Variants in GPC5 observed in about 807,000 individuals in gnomAD.
The protein encoded by GPC5 is glypican-5.
In GPC5, 47 loss-of-function variants were observed where a neutral mutation model predicts 53.9. That is an observed-to-expected ratio of 0.87 (90% CI 0.69 to 1.11). The LOEUF (loss-of-function observed/expected upper bound fraction) is 1.11, where lower values mean the gene tolerates loss of function less well. Among genes scored for constraint, GPC5 ranks in the 50% most tolerant of loss-of-function variants. The pLI is 0.00. For synonymous variants in GPC5, 286 were observed against 263.3 expected, an observed-to-expected ratio of 1.09 and a Z score of -0.84; for missense variants, 748 against 713.1, an observed-to-expected ratio of 1.05 and a Z score of -0.56.
rs536929736 is a variant in GPC5 at position 92,589,963 on chromosome 13, A to G, written c.1562-276319A>G. ...TGTGGCCAAGGTTAAAAGGTTGATG[A>G]GTGCCACCCAGGGAAGAGATGAGTG... On this transcript the variant is annotated intron_variant, in intron 7 of 7. Transcript: ENST00000377067. 4.6e-5 allele frequency among the ~76,000 whole-genome samples: 7 copies of G among 152,286 alleles called. No individual in the cohort carries two copies. The South Asian group carries it at 1.4e-3, about 32-fold the overall frequency.
chr13:91,758,616 C>A (rs1370180013), intron 5 of GPC5, among the ~76,000 whole-genome samples: 1 of 152,032 alleles, frequency 6.6e-6, no homozygotes. Context: ...TTTTTAAAGA[C>A]CTCATTCGTG....
At chr13:92,534,107 T>C (rs1036994973) in intron 7 of GPC5, among the ~76,000 whole-genome samples, 1 of 152,088 alleles carries the variant, frequency 6.6e-6, no homozygotes, top group Non-Finnish European at 1.5e-5. Context: ...GGCAATATAG[T>C]GAGATTTTAT....
intron 5 of GPC5, among the ~76,000 whole-genome samples, chr13:91,768,284 A>G (rs1186731283): frequency 4.6e-5 from 7 of 152,220 alleles, no homozygotes; most frequent in Admixed American, 1.3e-4. Context: ...AACCATCCAA[A>G]TCCTTCTTTT....
intron 5 of GPC5, among the ~76,000 whole-genome samples, chr13:91,847,246 G>T (rs868064052): frequency 6.6e-6 from 1 of 151,456 alleles, no homozygotes; most frequent in Non-Finnish European, 1.5e-5. Flanking sequence ...AAAGAAATGG[G>T]TGTGAAAATA....
At chr13:91,831,544 C>A (rs2038658752) in intron 5 of GPC5, among the ~76,000 whole-genome samples, 4 of 151,788 alleles carry the variant, frequency 2.6e-5, no homozygotes, top group South Asian at 2.1e-4. Context: ...ATAATTTTTG[C>A]AAATTTTCTA....
At chr13:91,692,442 A>C (rs1183159099) in intron 2 of GPC5, among the ~76,000 whole-genome samples, 1 of 152,182 alleles carries the variant, frequency 6.6e-6, no homozygotes, top group Non-Finnish European at 1.5e-5. Context: ...ACTAGCTTTC[A>C]TTCTGGAAAA....
intron 7 of GPC5, among the ~76,000 whole-genome samples, chr13:92,304,586 T>C (rs561936705): frequency 1.7e-4 from 26 of 152,276 alleles, no homozygotes; most frequent in African/African-American, 6.3e-4. Context: ...ATGGTAATTC[T>C]AGTTATTGCT....
chr13:92,435,967 T>G (rs71427575), intron 7 of GPC5, among the ~76,000 whole-genome samples: 2 of 152,186 alleles, frequency 1.3e-5, no homozygotes, highest in African/African-American at 2.4e-5. Context: ...TTAATGACTC[T>G]CTTTAAGATT....
chr13:91,554,896 C>A (rs960100247), intron 2 of GPC5, among the ~76,000 whole-genome samples: 2 of 152,090 alleles, frequency 1.3e-5, no homozygotes, highest in Admixed American at 1.3e-4. Flanking sequence ...CACTTATCTT[C>A]TCTCTTAGCC....
At chr13:92,812,612 G>C (rs1247744701) in intron 7 of GPC5, among the ~76,000 whole-genome samples, 1 of 151,690 alleles carries the variant, frequency 6.6e-6, no homozygotes, top group Non-Finnish European at 1.5e-5. Context: ...TTCTATCGAA[G>C]GCAACTAGGT....
In GPC5 at chr13:91,756,372, C is replaced by T. The variant is rs201682963; in HGVS notation, c.1232C>T (p.Ala411Val). ...LADQLCANEL[A>V]AADGLPCWNG... ...GATCAGCTTTGTGCTAATGAATTAGCTGCTGCAGATGGACTTCCCTGCTGG... is the reference window on the plus strand; with the variant it reads ...GATCAGCTTTGTGCTAATGAATTAGTTGCTGCAGATGGACTTCCCTGCTGG... Residue 411 changes from alanine to valine, a missense_variant, in exon 5 of 8, where the codon GCT (alanine) becomes GTT (valine). By Grantham distance (64) the Ala-to-Val change is moderately conservative (BLOSUM62 0). Transcript: ENST00000377067. 3.5e-5 allele frequency: 55 copies of T among 1,593,038 alleles called. No individual in the cohort carries two copies. Among genetic ancestry groups the T allele is most frequent in the Non-Finnish European group, 4.5e-5 (52 of 1,164,802 alleles).
In GPC5 at chr13:91,472,139, A is replaced by G. The variant is rs916207327; in HGVS notation, c.325+23217A>G. Among the ~76,000 whole-genome samples the G allele has an allele frequency of 2.0e-5, 3 of 152,172 alleles. No individual in the cohort carries two copies. The East Asian group carries it at 5.8e-4, about 29-fold the overall frequency. On this transcript the variant is annotated intron_variant, in intron 2 of 7. Coordinates refer to ENST00000377067, the MANE Select transcript of GPC5 (RefSeq NM_004466.6). Reference sequence around the variant, plus strand: ...AATCAATTGTGTTACTTTCTGGAGAATAAAAAAGTTACATCTTATATTTGT... The same window carrying G: ...AATCAATTGTGTTACTTTCTGGAGAGTAAAAAAGTTACATCTTATATTTGT...
intron 5 of GPC5, among the ~76,000 whole-genome samples, chr13:91,860,878 A>G: frequency 6.6e-6 from 1 of 152,196 alleles, no homozygotes; most frequent in Non-Finnish European, 1.5e-5. Context: ...TATTGTGAAT[A>G]GTGCTGCAAT....
At chr13:91,749,650 C>A (rs574842012) in intron 4 of GPC5, among the ~76,000 whole-genome samples, 1 of 152,218 alleles carries the variant, frequency 6.6e-6, no homozygotes, top group South Asian at 2.1e-4. Context: ...ATTTTTAGTT[C>A]TTTCAGAAAT....
intron 7 of GPC5, among the ~76,000 whole-genome samples, chr13:92,207,611 T>G (rs1175274798): frequency 6.6e-6 from 1 of 152,236 alleles, no homozygotes; most frequent in Non-Finnish European, 1.5e-5. Context: ...ACCTTCATGT[T>G]GAATTTGAGT....
At chr13:92,397,837 ACATCTCAGATGGTTGAAAGATATTAT>A (rs1875356750) in intron 7 of GPC5, among the ~76,000 whole-genome samples, 1 of 152,194 alleles carries the variant, frequency 6.6e-6, no homozygotes, top group African/African-American at 2.4e-5. Context: ...CATTTTGTAT[ACATCTCAGATGGTTGAAAGATATTAT>A]TCTATTATCT....
intron 7 of GPC5, among the ~76,000 whole-genome samples, chr13:92,678,806 A>G (rs1887027513): frequency 6.6e-6 from 1 of 152,130 alleles, no homozygotes; most frequent in South Asian, 2.1e-4. Context: ...CCAGGTAGTG[A>G]GATGTTATTG....
Position 91,993,075 on chromosome 13 carries a change from G to A in GPC5, c.1401+85018G>A, listed in dbSNP as rs541185037. 7.2e-5 allele frequency among the ~76,000 whole-genome samples: 11 copies of A among 152,230 alleles called. No individual in the cohort carries two copies. The South Asian group carries it at 1.0e-3, about 14-fold the overall frequency. ...CAAAATTTTCTGTAAAATAACTGGC[G>A]TTGATTATTTGCACTCTCTCTGAGA... On this transcript the variant is annotated intron_variant, in intron 6 of 7. Transcript: ENST00000377067.
At chr13:92,415,894 G>A (rs1365190690) in intron 7 of GPC5, among the ~76,000 whole-genome samples, 2 of 152,144 alleles carry the variant, frequency 1.3e-5, no homozygotes, top group African/African-American at 2.4e-5. Flanking sequence ...AGGGTTTTTG[G>A]AGAATTTGCC....
Sources: gnomAD v4.1 joint callset for allele counts (sites outside exome capture counted in the v4.1 genomes callset) on GRCh38, gnomAD v4.1.1 for gene constraint, MANE v1.5 for transcripts, NCBI Gene and HGNC (gene_info 2026-07-23, HGNC 2026-07-21) for gene names.